Variants in BPHL observed in about 807,000 individuals in gnomAD.
BPHL encodes biphenyl hydrolase like, also known as serine hydrolase BPHL.
A neutral mutation model predicts 31.2 loss-of-function variants in BPHL; 27 were observed. The observed-to-expected ratio is 0.87, with a 90% CI of 0.64 to 1.19. BPHL has a LOEUF of 1.19. BPHL is among the 50% of genes most tolerant of loss of function. The pLI is 0.00. For missense variants in BPHL, 356 were observed against 375.7 expected (o/e 0.95, Z 0.43); for synonymous variants, 150 against 146.8 (o/e 1.02, Z -0.16).
chr6:3,145,037 TTGGGTTTGAATGCTGGTG>T (rs1430470574), intron 6 of BPHL, among the ~76,000 whole-genome samples: 4 of 152,214 alleles, frequency 2.6e-5, no homozygotes, highest in African/African-American at 9.6e-5. Context: ...GAGTGCTGGT[TTGGGTTTGAATGCTGGTG>T]TGGGTTGGAG....
intron 1 of BPHL, chr6:3,119,338 C>A: frequency 3.9e-6 from 6 of 1,556,018 alleles, no homozygotes; most frequent in Non-Finnish European, 4.4e-6. Flanking sequence ...TCCCGAGAGC[C>A]CTAAGTCTTC....
Position 3,152,476 on chromosome 6 carries a change from T to C in BPHL, c.789-12T>C, listed in dbSNP as rs1762549976. The C allele has an allele frequency of 3.1e-6, 5 of 1,612,148 alleles. No homozygotes were observed. The East Asian group carries it at 1.1e-4, about 36-fold the overall frequency. The stretch of plus-strand genomic sequence containing the variant: ...GGCCATTGACCCAAAGTATTTTTAA[T>C]TCCTTTTTTAGGCTGCATTTGATGC... On this transcript the variant is annotated splice_polypyrimidine_tract_variant and intron_variant, in intron 6 of 6. Transcript: ENST00000380379.
chr6:3,142,069 T>C (rs1762191760), intron 6 of BPHL, among the ~76,000 whole-genome samples: 1 of 152,160 alleles, frequency 6.6e-6, no homozygotes, highest in Admixed American at 6.5e-5. Flanking sequence ...ATGGTCATGG[T>C]ACAAAATTCC....
chr6:3,123,733 G>T lies in BPHL; in HGVS notation c.184G>T (p.Ala62Ser). The T allele has an allele frequency of 1.9e-6, 3 of 1,613,314 alleles. No individual in the cohort carries two copies. The highest frequency in any genetic ancestry group is 1.7e-6 in the Non-Finnish European group (2 of 1,179,620). ...HYQQTGEGDH[A>S]VLLLPGMLGS... ...CCAGCAGACTGGAGAGGGAGATCAC[G>T]CAGTCCTGCTACTTCCTGGGATGTT... Residue 62 changes from alanine (A) to serine (S), a missense_variant, in exon 2 of 7, where the codon GCA becomes TCA. Coordinates refer to ENST00000380379, the MANE Select transcript of BPHL (RefSeq NM_004332.4).
At chr6:3,125,364 T>C (rs903844930) in intron 2 of BPHL, among the ~76,000 whole-genome samples, 7 of 151,810 alleles carry the variant, frequency 4.6e-5, no homozygotes, top group African/African-American at 1.7e-4. Flanking sequence ...TTTTTTTTTA[T>C]GTAAAGTATT....
intron 4 of BPHL, among the ~76,000 whole-genome samples, chr6:3,136,070 C>T (rs1762011159): frequency 6.6e-6 from 1 of 152,236 alleles, no homozygotes; most frequent in South Asian, 2.1e-4. Context: ...CTCATACACA[C>T]TCACACCCCG....
rs1014896300 is a variant in BPHL at position 3,152,994 on chromosome 6, A to G, written c.*419A>G. 1 of 154,038 alleles carries G rather than the reference A, an allele frequency of 6.5e-6. No individual in the cohort carries two copies. Among genetic ancestry groups the G allele is most frequent in the African/African-American group, 2.4e-5 (1 of 41,476 alleles). The allele number at this position is 154,038 out of a possible 1,614,324, so 9.5% of individuals were successfully genotyped here. A position where few individuals can be genotyped will look rare whatever the true frequency, so the allele number is the denominator to read the frequency against. On this transcript the variant is annotated 3_prime_UTR_variant, in exon 7 of 7. Coordinates refer to ENST00000380379, the MANE Select transcript of BPHL (RefSeq NM_004332.4). ...CAGTGAGCTGTAATTGCATCACTGC[A>G]CTCCAACCTGGGCAACAGAGTAAGA...
In BPHL at chr6:3,118,731, A is replaced by G. The variant is rs1490545564; in HGVS notation, c.-10A>G. On this transcript the variant is annotated 5_prime_UTR_variant, in exon 1 of 7. Transcript: ENST00000380379. ...CATGCGCACTCCCGGCAGCTACGCG[A>G]CCTGTGACCATGGTGGCTGTGCTGG... The G allele has an allele frequency of 2.4e-6, 3 of 1,259,120 alleles. No individual in the cohort carries two copies. The highest frequency in any genetic ancestry group is 3.0e-6 in the Non-Finnish European group (3 of 998,128). 78.0% of individuals were successfully genotyped at this position (1,259,120 alleles called of 1,614,324 possible).
rs1378549120 is a variant in BPHL, at chr6:3,146,023, CGAGTGCTGGTTCGGGTG to C, written c.788+5531_788+5547del. ...TCGGGGTGGAGTGCTGGTTCGGGTC[CGAGTGCTGGTTCGGGTG>C]GAGTGCTGGTTCGGGTTGGAGTGCT... On this transcript the variant is annotated intron_variant, in intron 6 of 6. Coordinates refer to ENST00000380379, the MANE Select transcript of BPHL (RefSeq NM_004332.4). 6.1e-3 allele frequency among the ~76,000 whole-genome samples: 18 copies of C among 2,952 alleles called. 5 individuals are homozygous for C. Among genetic ancestry groups the C allele is most frequent in the Non-Finnish European group, 0.013 (17 of 1,344 alleles). The allele number at this position is 2,952 out of a possible 152,430, so 1.9% of individuals were successfully genotyped here.
At chr6:3,121,672 T>C (rs1014005539) in intron 1 of BPHL, among the ~76,000 whole-genome samples, 1 of 152,170 alleles carries the variant, frequency 6.6e-6, no homozygotes, top group Non-Finnish European at 1.5e-5. Flanking sequence ...AGGGCAGTAA[T>C]CATAATAAGT....
chr6:3,118,832 C>T lies in BPHL; in HGVS notation c.92C>T (p.Pro31Leu), dbSNP rs2113738385. 2 of 1,241,616 alleles carry T rather than the reference C, an allele frequency of 1.6e-6. No individual in the cohort carries two copies. The highest frequency in any genetic ancestry group is 2.0e-6 in the Non-Finnish European group (2 of 991,096). 76.9% of individuals were successfully genotyped at this position (1,241,616 alleles called of 1,614,324 possible). The change falls in exon 1 of 7, where the codon CCC (proline) becomes CTC (leucine). Residue 31 changes from proline (P) to leucine (L), a missense_variant. Physicochemically the swap from Pro to Leu is moderately conservative, Grantham distance 98 (BLOSUM62 -3). Transcript: ENST00000380379. ...KPGIHVPRAG[P>L]AAAFGTSVTS... ...GGGATCCACGTCCCACGGGCCGGAC[C>T]CGCGGCCGCGTTCGGGTAATGGCGG...
chr6:3,121,196 C>G (rs1466937289), intron 1 of BPHL, among the ~76,000 whole-genome samples: 3 of 151,906 alleles, frequency 2.0e-5, no homozygotes, highest in Non-Finnish European at 4.4e-5. Flanking sequence ...AATTTCAAGC[C>G]CTGAAGGTAG....
At chr6:3,121,041 G>A (rs1246225345) in intron 1 of BPHL, among the ~76,000 whole-genome samples, 2 of 152,168 alleles carry the variant, frequency 1.3e-5, no homozygotes, top group African/African-American at 4.8e-5. Flanking sequence ...CTCCTGCCTT[G>A]CAGCGTTTTT....
At chr6:3,124,107 G>A (rs11968247) in intron 2 of BPHL, 5,875 of 157,238 alleles carry the variant, frequency 0.037, 372 homozygotes, top group African/African-American at 0.13. Context: ...TTTGCTTGGC[G>A]TTGGGGGATT....
At chr6:3,139,827 C>T (rs1485920794) in intron 5 of BPHL, 1 of 152,582 alleles carries the variant, frequency 6.6e-6, no homozygotes, top group Non-Finnish European at 1.5e-5. Flanking sequence ...CCATCATTGC[C>T]TCAGGAAAGT....
chr6:3,138,264 C>T (rs993389138), intron 5 of BPHL: 12 of 246,926 alleles, frequency 4.9e-5, no homozygotes, highest in Non-Finnish European at 8.9e-5. Context: ...GTGATCCGCC[C>T]ACCTTGGCCC....
rs564352440 is a variant in BPHL, at chr6:3,137,605, G to A, written c.664+112G>A. 12 of 1,418,196 alleles carry A rather than the reference G, an allele frequency of 8.5e-6. No homozygotes were observed. In the South Asian group the frequency reaches 8.9e-5, roughly 11 times the overall value. 87.9% of individuals were successfully genotyped at this position (1,418,196 alleles called of 1,614,324 possible). On this transcript the variant is annotated intron_variant, in intron 5 of 6. Coordinates refer to ENST00000380379, the MANE Select transcript of BPHL (RefSeq NM_004332.4). ...ATGAATCTGCCCATCGCCCTCACAC[G>A]CTCATGTGTGAGCAGAACAGAGAAT...
chr6:3,118,724 C>T lies in BPHL; in HGVS notation c.-17C>T. The T allele has an allele frequency of 3.2e-6, 4 of 1,257,522 alleles. No homozygotes were observed. The highest frequency in any genetic ancestry group is 3.0e-6 in the Non-Finnish European group (3 of 997,278). The allele number at this position is 1,257,522 out of a possible 1,614,324, so 77.9% of individuals were successfully genotyped here. ...CTTAGCGCATGCGCACTCCCGGCAGCTACGCGACCTGTGACCATGGTGGCT... is the reference window on the plus strand; with the variant it reads ...CTTAGCGCATGCGCACTCCCGGCAGTTACGCGACCTGTGACCATGGTGGCT... On this transcript the variant is annotated 5_prime_UTR_variant, in exon 1 of 7. Coordinates refer to ENST00000380379, the MANE Select transcript of BPHL (RefSeq NM_004332.4).
intron 4 of BPHL, among the ~76,000 whole-genome samples, 196 bp from the exon 5 acceptor site, chr6:3,137,166 A>G (rs777149607): frequency 2.6e-5 from 4 of 152,024 alleles, no homozygotes; most frequent in Non-Finnish European, 5.9e-5. Context: ...AGTGGGAGGC[A>G]GGCACTCAGC....
Sources: allele counts gnomAD v4.1 joint callset (sites outside exome capture counted in the v4.1 genomes callset), GRCh38; gene constraint gnomAD v4.1.1; transcripts MANE v1.5; gene names NCBI Gene and HGNC (gene_info 2026-07-23, HGNC 2026-07-21).